The following APOB variants were observed in gnomAD, a reference collection of about 807,000 sequenced individuals.
The protein encoded by APOB is apolipoprotein B, also known as apolipoprotein B-100.
In APOB, 153 loss-of-function variants were observed where a neutral mutation model predicts 314.1. That is an observed-to-expected ratio of 0.49 (90% CI 0.43 to 0.56). APOB has a LOEUF of 0.56. Ranked by LOEUF, APOB falls within the 20% of genes least tolerant of loss-of-function variation. APOB has a pLI of 0.00. For missense variants in APOB, 5,430 were observed against 5,350.7 expected, an observed-to-expected ratio of 1.01 and a Z score of -0.46; for synonymous variants, 2,087 against 2,036.4, an observed-to-expected ratio of 1.02 and a Z score of -0.67.
In APOB at chr2:21,012,246, G is replaced by A; in HGVS notation, c.4622C>T (p.Thr1541Ile). ...NQITGRYEDG[T>I]LSLTSTSDLQ... is the part of the protein sequence containing the mutation. ...ATCAGAGGTGGAGGTGAGGGAGAGGGTTCCATCTTCATATCTTCCTGTTAT... is the reference window on the plus strand; with the variant it reads ...ATCAGAGGTGGAGGTGAGGGAGAGGATTCCATCTTCATATCTTCCTGTTAT... Residue 1541 changes from threonine to isoleucine, a missense_variant, in exon 26 of 29, where the codon ACC becomes ATC. This residue lies in a region of APOB where 2,085 missense variants were observed against 2,079.7 expected (regional missense o/e 1.00). Coordinates refer to ENST00000233242, the MANE Select transcript of APOB (RefSeq NM_000384.3). The A allele has an allele frequency of 6.2e-7, 1 of 1,612,100 alleles. No individual in the cohort carries two copies. The highest frequency in any genetic ancestry group is 1.1e-5 in the South Asian group (1 of 90,968).
At chr2:21,027,305 A>ACTTTT (rs1558571851) in intron 14 of APOB, among the ~76,000 whole-genome samples, 1 of 109,220 alleles carries the variant, frequency 9.2e-6, no homozygotes, top group African/African-American at 3.1e-5. Flanking sequence ...TTTGCATTTC[A>ACTTTT]ATTTTTTTTT....
chr2:21,017,741 C>A (rs1428189309), intron 20 of APOB, among the ~76,000 whole-genome samples: 2 of 152,172 alleles, frequency 1.3e-5, no homozygotes, highest in African/African-American at 4.8e-5. Flanking sequence ...GATTCCCGGG[C>A]GTCCTTCAAT....
intron 5 of APOB, among the ~76,000 whole-genome samples, chr2:21,037,593 T>C (rs914243388): frequency 1.3e-5 from 2 of 152,148 alleles, no homozygotes; most frequent in African/African-American, 4.8e-5. Flanking sequence ...CTGAAATTCG[T>C]AAAAGAGACC....
chr2:21,038,136 G>A (rs906998886), intron 4 of APOB, 25 bp from the exon 5 acceptor site: 58 of 1,612,878 alleles, frequency 3.6e-5, no homozygotes, highest in Middle Eastern at 1.9e-4. Context: ...GGATGGTCAC[G>A]GAAATGTCCT....
rs1663540162 is a variant in APOB, at chr2:21,019,113, T to C, written c.3000A>G (p.Arg1000=). Residue 1000 remains arginine (R), a splice_region_variant and synonymous_variant, in exon 20 of 29, where the codon AGA becomes AGG. Transcript: ENST00000233242. ...CTGTAGGCCTCAGTTCCAGCTCTAA[T>C]CTAAAGACATTACAATGAAGACAGT... The part of the protein sequence containing the change: ...ASYYPLTGDT[R]LELELRPTGE... 6.2e-7 allele frequency: 1 copy of C among 1,614,022 alleles called. No individual in the cohort carries two copies. The highest frequency in any genetic ancestry group is 2.2e-5 in the East Asian group (1 of 44,858).
At chr2:21,031,793 T>C (rs1394205064) in intron 10 of APOB, among the ~76,000 whole-genome samples, 1 of 151,940 alleles carries the variant, frequency 6.6e-6, no homozygotes, top group Non-Finnish European at 1.5e-5. Context: ...GAGGCTTCAG[T>C]GAGCCGTGAC....
At position 21,023,536 on chromosome 2, in the gene APOB, C is replaced by T. The variant is rs150005693; in HGVS notation, c.2593G>A (p.Glu865Lys). ...AAACAGAATCTTACGTTGGCTACTT[C>T]CAGTTTTACTCCAGCCTTGGCTCCG... Reference protein sequence around the residue: ...APGAKAGVKLEVANMQAELVA... With the variant: ...APGAKAGVKLKVANMQAELVA... The change falls in exon 17 of 29, where the codon GAA (glutamate) becomes AAA (lysine). Residue 865 changes from glutamate (E) to lysine (K), a missense_variant. Transcript: ENST00000233242. 1.0e-4 allele frequency: 163 copies of T among 1,614,068 alleles called. No individual in the cohort carries two copies. The highest frequency in any genetic ancestry group is 1.3e-4 in the Non-Finnish European group (158 of 1,180,022).
chr2:21,025,017 A>C lies in APOB; in HGVS notation c.2352T>G (p.Leu784=). Residue 784 remains leucine (L), a synonymous_variant, in exon 16 of 29, where the codon CTT becomes CTG. Transcript: ENST00000233242. The part of the protein sequence containing the change: ...RAYLRILGEE[L]GFASLHDLQL... Reference sequence around the variant, plus strand: ...GGAGGTCATGGAGACTGGCAAAACCAAGCTCCTCTCCCAAGATGCGGAGGT... The same window carrying C: ...GGAGGTCATGGAGACTGGCAAAACCCAGCTCCTCTCCCAAGATGCGGAGGT... 1.9e-6 allele frequency: 3 copies of C among 1,614,240 alleles called. No homozygotes were observed. Among genetic ancestry groups the C allele is most frequent in the Non-Finnish European group, 2.5e-6 (3 of 1,180,052 alleles).
chr2:21,037,841 C>A, intron 5 of APOB, 117 bp downstream of exon 5: 1 of 1,324,026 alleles, frequency 7.6e-7, no homozygotes, highest in South Asian at 1.2e-5. Flanking sequence ...TCCAGGGCTT[C>A]CTATGTAACT....
chr2:21,039,958 G>A (rs1372891161), intron 4 of APOB, among the ~76,000 whole-genome samples: 1 of 152,172 alleles, frequency 6.6e-6, no homozygotes, highest in African/African-American at 2.4e-5. Flanking sequence ...ATATGGTTTG[G>A]CTCTGCGTCC....
intron 10 of APOB, among the ~76,000 whole-genome samples, chr2:21,031,874 CA>C (rs1558573777): frequency 6.6e-6 from 1 of 151,354 alleles, no homozygotes; most frequent in African/African-American, 2.4e-5. Flanking sequence ...CAAAAAAAAA[CA>C]AAACAAACAA....
At chr2:21,029,526 A>G in intron 12 of APOB, 113 bp downstream of exon 12, 1 of 1,217,996 alleles carries the variant, frequency 8.2e-7, no homozygotes, top group Non-Finnish European at 1.2e-6. Context: ...GAAGGAAAGG[A>G]AAGAAACAGC....
At chr2:21,041,120 A>G (rs376541732) in intron 3 of APOB, 37 bp from the exon 4 acceptor site, 94 of 1,601,836 alleles carry the variant, frequency 5.9e-5, no homozygotes, top group Non-Finnish European at 7.5e-5. Flanking sequence ...GAGGTTGTCT[A>G]TCAAGAATGA....
chr2:21,005,930 G>T lies in APOB; in HGVS notation c.10938C>A (p.Ser3646Arg). The T allele has an allele frequency of 1.2e-6, 2 of 1,613,896 alleles. No individual in the cohort carries two copies. Among genetic ancestry groups the T allele is most frequent in the Non-Finnish European group, 1.7e-6 (2 of 1,179,946 alleles). Residue 3646 changes from serine to arginine, a missense_variant, in exon 26 of 29, where the codon AGC (serine) becomes AGA (arginine). Around this residue, in one of 3 missense-constraint regions of APOB, gnomAD observed 3,281 missense variants for 3,171.0 expected, o/e 1.03. Transcript: ENST00000233242. Reference sequence around the variant, plus strand: ...CTTGGTCATTGGAAAGCTCGACCTGGCTCTGGAAAGACCCAGAATGAATCC... The same window carrying T: ...CTTGGTCATTGGAAAGCTCGACCTGTCTCTGGAAAGACCCAGAATGAATCC... ...EVRIHSGSFQSQVELSNDQEK... is the reference protein window; with the variant it reads ...EVRIHSGSFQRQVELSNDQEK...
chr2:21,028,128 C>A (rs535509756), intron 13 of APOB, 63 bp from the exon 14 acceptor site: 2 of 1,290,008 alleles, frequency 1.6e-6, no homozygotes, highest in Non-Finnish European at 2.3e-6. Context: ...ACTCTTGCAC[C>A]CCAAGTAAAT....
In APOB at chr2:21,011,079, T is replaced by C. The variant is rs756293156; in HGVS notation, c.5789A>G (p.Lys1930Arg). The C allele has an allele frequency of 6.2e-7, 1 of 1,614,180 alleles. No individual in the cohort carries two copies. The highest frequency in any genetic ancestry group is 8.5e-7 in the Non-Finnish European group (1 of 1,180,028). ...WGEHTGQLYS[K>R]FLLKAEPLAF... ...CAGAGGTTCTGCTTTCAACAGGAATTTGCTATACAGCTGCCCAGTATGTTC... is the reference window on the plus strand; with the variant it reads ...CAGAGGTTCTGCTTTCAACAGGAATCTGCTATACAGCTGCCCAGTATGTTC... The change falls in exon 26 of 29, where the codon AAA becomes AGA. Residue 1930 changes from lysine to arginine, a missense_variant. Transcript: ENST00000233242.
chr2:21,041,146 GC>G, intron 3 of APOB, 63 bp from the exon 4 acceptor site: 1 of 1,551,308 alleles, frequency 6.4e-7, no homozygotes, highest in Non-Finnish European at 8.8e-7. Context: ...GGCCCCTGAA[GC>G]CCAGGGCTTA....
rs200353509 is a variant in APOB at position 21,035,701 on chromosome 2, G to T, written c.701C>A (p.Pro234His). Reference sequence around the variant, plus strand: ...GCTGCTGCTGATCAGAGTTGACAAGGGGCGGGTCTATGAAAGAGATTGGAG... The same window carrying T: ...GCTGCTGCTGATCAGAGTTGACAAGTGGCGGGTCTATGAAAGAGATTGGAG... ...PLALIKGMTR[P>H]LSTLISSSQS... The change falls in exon 7 of 29, where the codon CCC becomes CAC. Residue 234 changes from proline to histidine, a missense_variant. By Grantham distance (77) the Pro-to-His change is moderately conservative. Around this residue, in one of 3 missense-constraint regions of APOB, gnomAD observed 2,085 missense variants for 2,079.7 expected, o/e 1.00. Coordinates refer to ENST00000233242, the MANE Select transcript of APOB (RefSeq NM_000384.3). The T allele has an allele frequency of 1.2e-6, 2 of 1,613,938 alleles. No homozygotes were observed. The highest frequency in any genetic ancestry group is 2.7e-5 in the African/African-American group (2 of 74,926).
chr2:21,040,434 G>T (rs916002973), intron 4 of APOB, among the ~76,000 whole-genome samples: 1 of 152,200 alleles, frequency 6.6e-6, no homozygotes, highest in African/African-American at 2.4e-5. Context: ...CAATGGGTGC[G>T]ACATGGGCCC....
Sources: gnomAD v4.1 joint callset for allele counts (sites outside exome capture counted in the v4.1 genomes callset) on GRCh38, gnomAD v4.1.1 for gene constraint, gnomAD v4.1.1 regional missense constraint, MANE v1.5 for transcripts, NCBI Gene and HGNC (gene_info 2026-07-23, HGNC 2026-07-21) for gene names.